FKTN: variants seen among roughly 807,000 people sequenced by gnomAD.
The protein encoded by FKTN is fukutin.
FKTN carries 47 observed loss-of-function variants against 58.6 expected under a neutral mutation model. The ratio of observed to expected loss-of-function variants is 0.80; its 90% CI spans 0.63 to 1.02. The LOEUF (loss-of-function observed/expected upper bound fraction) is 1.02, where lower values mean the gene tolerates loss of function less well. Ranked by LOEUF, FKTN falls within the 50% of genes least tolerant of loss-of-function variation. FKTN has a pLI of 0.00. For synonymous variants in FKTN, 178 were observed against 191.9 expected (o/e 0.93, Z 0.60); for missense variants, 516 against 537.3 (o/e 0.96, Z 0.39).
chr9:105,601,343 A>G lies in FKTN; in HGVS notation c.364A>G (p.Asn122Asp). The change falls in exon 5 of 11, where the codon AAT becomes GAT. Residue 122 changes from asparagine (N) to aspartate (D), a missense_variant. By Grantham distance (23) the Asn-to-Asp change is conservative. Coordinates refer to ENST00000357998, the MANE Select transcript of FKTN (RefSeq NM_001079802.2). ...TGCACTGCAGTATCACCTATGGAAG[A>G]ATGAGGTAAGTGACTTGCTTTCAGA... ...AFALQYHLWKNEEGWFRIAEN... is the reference protein window; with the variant it reads ...AFALQYHLWKDEEGWFRIAEN... 2 of 1,596,826 alleles carry G rather than the reference A, an allele frequency of 1.3e-6. No homozygotes were observed. The highest frequency in any genetic ancestry group is 8.6e-7 in the Non-Finnish European group (1 of 1,167,982).
chr9:105,567,208 A>C (rs1016570111), intron 1 of FKTN, among the ~76,000 whole-genome samples: 5 of 152,146 alleles, frequency 3.3e-5, no homozygotes, highest in African/African-American at 9.7e-5. Flanking sequence ...ATGGGCAAAA[A>C]CTGGAAGCAT....
chr9:105,635,823 G>T lies in FKTN; in HGVS notation c.*559G>T. Reference sequence around the variant, plus strand: ...TTTTCAACTAATCTTATGTGGAATTGAATTAGAGAACAAGGCATTATTCTT... The same window carrying T: ...TTTTCAACTAATCTTATGTGGAATTTAATTAGAGAACAAGGCATTATTCTT... On this transcript the variant is annotated 3_prime_UTR_variant, in exon 11 of 11. Transcript: ENST00000357998. 1.0e-6 allele frequency: 1 copy of T among 998,846 alleles called. No homozygotes were observed. Among genetic ancestry groups the T allele is most frequent in the South Asian group, 4.4e-5 (1 of 22,980 alleles). 61.9% of individuals were successfully genotyped at this position (998,846 alleles called of 1,614,324 possible). A position where few individuals can be genotyped will look rare whatever the true frequency, so the allele number is the denominator to read the frequency against.
Position 105,589,519 on chromosome 9 carries a change from GGC to G in FKTN, c.106-7077_106-7076del, listed in dbSNP as rs576280502. 7.1e-4 allele frequency among the ~76,000 whole-genome samples: 106 copies of G among 149,372 alleles called. 1 individual carries two copies. The highest frequency in any genetic ancestry group is 2.7e-3 in the African/African-American group (105 of 38,960). ...TCCATCTCAAAAAAAAACTGGGGGG[GGC>G]GGGTACTAACAAAATGGTATAATCT... On this transcript the variant is annotated intron_variant, in intron 3 of 10. Transcript: ENST00000357998.
chr9:105,575,263 T>A, intron 3 of FKTN, 126 bp downstream of exon 3: 1 of 680,544 alleles, frequency 1.5e-6, no homozygotes, highest in Non-Finnish European at 2.6e-6. Flanking sequence ...TTGCGAGGTG[T>A]GGCAAACAAT....
At chr9:105,627,136 C>G (rs1824973969) in intron 10 of FKTN, among the ~76,000 whole-genome samples, 1 of 151,860 alleles carries the variant, frequency 6.6e-6, no homozygotes, top group Non-Finnish European at 1.5e-5. Flanking sequence ...TCATACCCAG[C>G]TATTTTTGTA....
intron 4 of FKTN, among the ~76,000 whole-genome samples, chr9:105,597,878 A>G (rs530337800): frequency 2.0e-5 from 3 of 152,272 alleles, no homozygotes; most frequent in African/African-American, 7.2e-5. Flanking sequence ...AAAAATTTAA[A>G]GCCGTAGTAG....
intron 10 of FKTN, among the ~76,000 whole-genome samples, chr9:105,624,599 C>G (rs116269781): frequency 1.3e-5 from 2 of 149,594 alleles, no homozygotes; most frequent in Admixed American, 6.7e-5. Flanking sequence ...CCACTGTACT[C>G]CAGCCTAGGT....
At chr9:105,596,726 AT>A (rs1826874033) in intron 4 of FKTN, 69 bp downstream of exon 4, 2 of 1,130,322 alleles carry the variant, frequency 1.8e-6, no homozygotes, top group Non-Finnish European at 1.4e-6. Context: ...CTCCGTAAGT[AT>A]TTGTTGAATG....
Position 105,636,342 on chromosome 9 carries a change from C to T in FKTN, c.*1078C>T. 1.0e-6 allele frequency: 1 copy of T among 981,872 alleles called. No individual in the cohort carries two copies. Among genetic ancestry groups the T allele is most frequent in the Non-Finnish European group, 1.2e-6 (1 of 826,656 alleles). The allele number at this position is 981,872 out of a possible 1,614,324, so 60.8% of individuals were successfully genotyped here. On this transcript the variant is annotated 3_prime_UTR_variant, in exon 11 of 11. Coordinates refer to ENST00000357998, the MANE Select transcript of FKTN (RefSeq NM_001079802.2). ...CATGTAAACCTGCCTGTTTCTTCTC[C>T]TCTTCTAATATATCAGATCTCCAAA...
chr9:105,619,536 T>C (rs1201124470), intron 9 of FKTN, among the ~76,000 whole-genome samples: 1 of 152,230 alleles, frequency 6.6e-6, no homozygotes, highest in African/African-American at 2.4e-5. Context: ...TAAGTACTTA[T>C]TGATTGTTAT....
chr9:105,581,783 G>C (rs1842975759), intron 3 of FKTN, among the ~76,000 whole-genome samples: 2 of 152,198 alleles, frequency 1.3e-5, no homozygotes, highest in South Asian at 4.1e-4. Context: ...CCGCCTTGCA[G>C]TTTGATCTCA....
intron 7 of FKTN, among the ~76,000 whole-genome samples, chr9:105,613,080 T>G: frequency 6.6e-6 from 1 of 152,284 alleles, no homozygotes; most frequent in East Asian, 1.9e-4. Context: ...TCAGACCTGA[T>G]GTTTTTGTAG....
Position 105,601,298 on chromosome 9 carries a change from C to T in FKTN, c.319C>T (p.Pro107Ser). The T allele has an allele frequency of 1.2e-6, 2 of 1,612,294 alleles. No homozygotes were observed. The highest frequency in any genetic ancestry group is 1.7e-6 in the Non-Finnish European group (2 of 1,179,540). The part of the protein sequence containing the change: ...STSQCKFFCV[P>S]RDFTAFALQY... ...TTCACAATGCAAGTTTTTCTGTGTT[C>T]CAAGAGACTTTACTGCATTTGCACT... is the stretch of plus-strand genomic sequence containing the variant. Residue 107 changes from proline to serine, a missense_variant, in exon 5 of 11, where the codon CCA (proline) becomes TCA (serine). Coordinates refer to ENST00000357998, the MANE Select transcript of FKTN (RefSeq NM_001079802.2).
rs971820260 is a variant in FKTN, at chr9:105,632,506, T to C, written c.1173-2545T>C. Among the ~76,000 whole-genome samples the C allele has an allele frequency of 3.3e-5, 5 of 151,818 alleles. No individual in the cohort carries two copies. The South Asian group carries it at 1.0e-3, about 31-fold the overall frequency. On this transcript the variant is annotated intron_variant, in intron 10 of 10. Transcript: ENST00000357998. ...TTATAGTTGATGTTGTCTCTATCTC[T>C]CTGAGCCTAGTAATAATAAAACACT...
At chr9:105,600,843 T>C (rs960592015) in intron 4 of FKTN, 20 of 209,234 alleles carry the variant, frequency 9.6e-5, no homozygotes, top group Non-Finnish European at 1.5e-4. Context: ...AAATTTCTTA[T>C]CCTTTTGATG....
chr9:105,562,890 A>G (rs1564182633), intron 1 of FKTN, among the ~76,000 whole-genome samples: 1 of 152,194 alleles, frequency 6.6e-6, no homozygotes, highest in Non-Finnish European at 1.5e-5. Context: ...CAGCATAAGG[A>G]TATGGCTAGG....
At chr9:105,620,390 A>G (rs891874706) in intron 10 of FKTN, among the ~76,000 whole-genome samples, 6 of 152,168 alleles carry the variant, frequency 3.9e-5, no homozygotes, top group Non-Finnish European at 5.9e-5. Flanking sequence ...CCTTAGCTCC[A>G]CCCTAATTTG....
chr9:105,568,356 A>C (rs1290735324), intron 1 of FKTN, among the ~76,000 whole-genome samples: 1 of 152,212 alleles, frequency 6.6e-6, no homozygotes, highest in African/African-American at 2.4e-5. Context: ...TGAACAGGCA[A>C]CCTACAGAAT....
At chr9:105,583,578 A>G (rs978773649) in intron 3 of FKTN, among the ~76,000 whole-genome samples, 3 of 152,088 alleles carry the variant, frequency 2.0e-5, no homozygotes, top group African/African-American at 7.2e-5. Flanking sequence ...CTTTTTCTGT[A>G]GCTGTTCTTT....
Sources: gnomAD v4.1 joint callset for allele counts (sites outside exome capture counted in the v4.1 genomes callset) on GRCh38, gnomAD v4.1.1 for gene constraint, MANE v1.5 for transcripts, NCBI Gene and HGNC (gene_info 2026-07-23, HGNC 2026-07-21) for gene names.